The following RFC3 variants were observed in gnomAD, a reference collection of about 807,000 sequenced individuals.
RFC3 encodes the protein A1 38 kDa subunit.
RFC3 carries 41 observed loss-of-function variants against 45.1 expected under a neutral mutation model. That is an observed-to-expected ratio of 0.91 (90% CI 0.71 to 1.18). The LOEUF (loss-of-function observed/expected upper bound fraction) is 1.18. Ranked by LOEUF, RFC3 falls within the 50% of genes most tolerant of loss-of-function variation. The pLI is 0.00. For missense variants in RFC3, 423 were observed against 428.1 expected (o/e 0.99, Z 0.10); for synonymous variants, 149 against 144.0 (o/e 1.03, Z -0.25).
chr13:33,885,133 A>G (rs1181472681), intron 8 of RFC3, among the ~76,000 whole-genome samples: 1 of 152,218 alleles, frequency 6.6e-6, no homozygotes, highest in Admixed American at 6.5e-5. Context: ...GGGCTGCACT[A>G]GTCAGTTTGA....
At chr13:33,894,728 G>C (rs540644722) in intron 8 of RFC3, among the ~76,000 whole-genome samples, 4 of 152,192 alleles carry the variant, frequency 2.6e-5, no homozygotes, top group African/African-American at 9.6e-5. Context: ...GGATAATCTG[G>C]GGGTATCACA....
intron 8 of RFC3, among the ~76,000 whole-genome samples, chr13:33,941,178 A>T (rs2082921744): frequency 1.3e-5 from 2 of 151,894 alleles, no homozygotes; most frequent in Admixed American, 1.3e-4. Context: ...TAACCTGGGA[A>T]TCAGTCTGTG....
At chr13:33,928,902 A>G (rs1365335063) in intron 8 of RFC3, among the ~76,000 whole-genome samples, 2 of 152,154 alleles carry the variant, frequency 1.3e-5, no homozygotes, top group South Asian at 2.1e-4. Flanking sequence ...GATTCTTTGT[A>G]GAAGAATATG....
chr13:33,845,397 C>T (rs924627406), intron 8 of RFC3, among the ~76,000 whole-genome samples: 6 of 152,170 alleles, frequency 3.9e-5, no homozygotes, highest in African/African-American at 1.4e-4. Flanking sequence ...TTCTTTAAGG[C>T]CAGTAACTCT....
At chr13:33,867,210 C>T (rs1207779763) in intron 8 of RFC3, among the ~76,000 whole-genome samples, 2 of 152,142 alleles carry the variant, frequency 1.3e-5, no homozygotes, top group Non-Finnish European at 2.9e-5. Context: ...TGCCAATACC[C>T]GATTTTACAA....
At chr13:33,882,084 A>G (rs1333569046) in intron 8 of RFC3, among the ~76,000 whole-genome samples, 1 of 152,200 alleles carries the variant, frequency 6.6e-6, no homozygotes, top group Non-Finnish European at 1.5e-5. Context: ...TTTTGAAATA[A>G]TTTTAGACTA....
At chr13:33,877,905 TA>T (rs1160206545) in intron 8 of RFC3, among the ~76,000 whole-genome samples, 1 of 150,740 alleles carries the variant, frequency 6.6e-6, no homozygotes, top group Admixed American at 6.6e-5. Context: ...TTTATTACAA[TA>T]TTATATAATA....
At chr13:33,856,980 A>G (rs532719345) in intron 8 of RFC3, among the ~76,000 whole-genome samples, 9 of 152,268 alleles carry the variant, frequency 5.9e-5, no homozygotes, top group African/African-American at 1.9e-4. Context: ...AGAAAAGATG[A>G]TATGAAGGGG....
chr13:33,885,452 A>T (rs1593665301), intron 8 of RFC3, among the ~76,000 whole-genome samples: 1 of 152,160 alleles, frequency 6.6e-6, no homozygotes, highest in African/African-American at 2.4e-5. Flanking sequence ...AATGTACATT[A>T]TACACATTAA....
At chr13:33,965,138 C>T (rs1454631129) in intron 8 of RFC3, among the ~76,000 whole-genome samples, 1 of 152,068 alleles carries the variant, frequency 6.6e-6, no homozygotes, top group Non-Finnish European at 1.5e-5. Flanking sequence ...GATAATTTGT[C>T]AAAGCTACTT....
At chr13:33,881,974 G>C (rs1374958936) in intron 8 of RFC3, among the ~76,000 whole-genome samples, 1 of 152,170 alleles carries the variant, frequency 6.6e-6, no homozygotes. Context: ...TTACTGGCTT[G>C]AGGGTTTTTA....
chr13:33,871,511 C>T (rs1177869460), intron 8 of RFC3, among the ~76,000 whole-genome samples: 1 of 152,198 alleles, frequency 6.6e-6, no homozygotes, highest in Non-Finnish European at 1.5e-5. Context: ...ATGACATTGG[C>T]CACAGCCAGC....
intron 8 of RFC3, among the ~76,000 whole-genome samples, chr13:33,958,456 G>T (rs1204971178): frequency 1.3e-5 from 2 of 152,174 alleles, no homozygotes; most frequent in Non-Finnish European, 2.9e-5. Flanking sequence ...AACTGAGATG[G>T]ATGTGTTTCA....
intron 8 of RFC3, among the ~76,000 whole-genome samples, chr13:33,957,478 T>G (rs1555245491): frequency 6.6e-6 from 1 of 152,176 alleles, no homozygotes; most frequent in Non-Finnish European, 1.5e-5. Context: ...GTGGTTGGTG[T>G]GCATTTTGCC....
At chr13:33,883,655 G>A (rs1022577381) in intron 8 of RFC3, among the ~76,000 whole-genome samples, 4 of 152,172 alleles carry the variant, frequency 2.6e-5, no homozygotes, top group African/African-American at 9.7e-5. Flanking sequence ...TAGGTAAAGG[G>A]TACATGGATC....
At chr13:33,869,681 G>A (rs1302934011) in intron 8 of RFC3, among the ~76,000 whole-genome samples, 2 of 152,182 alleles carry the variant, frequency 1.3e-5, no homozygotes, top group Non-Finnish European at 2.9e-5. Context: ...GAGGAAAAGG[G>A]GAAGGAGAAG....
intron 8 of RFC3, among the ~76,000 whole-genome samples, chr13:33,866,880 G>A (rs2082376990): frequency 6.6e-6 from 1 of 152,166 alleles, no homozygotes; most frequent in African/African-American, 2.4e-5. Flanking sequence ...AGGGTAAATA[G>A]GGTAAATAAT....
chr13:33,889,565 T>C (rs1458445231), intron 8 of RFC3, among the ~76,000 whole-genome samples: 3 of 152,238 alleles, frequency 2.0e-5, no homozygotes, highest in Non-Finnish European at 4.4e-5. Context: ...TGCTAATGAC[T>C]TTCAAAATCC....
intron 8 of RFC3, chr13:33,835,434 G>T (rs1205193746): frequency 1.7e-5 from 12 of 705,766 alleles, no homozygotes; most frequent in African/African-American, 5.2e-5. Flanking sequence ...TATTCTAGTG[G>T]TGTGAAAAGG....
Sources: gnomAD v4.1 joint callset for allele counts (sites outside exome capture counted in the v4.1 genomes callset) on GRCh38, gnomAD v4.1.1 for gene constraint, MANE v1.5 for transcripts, NCBI Gene and HGNC (gene_info 2026-07-23, HGNC 2026-07-21) for gene names.